L3MBTL4: variants seen among roughly 807,000 people sequenced by gnomAD.
L3MBTL4 encodes the protein L3MBTL histone methyl-lysine binding protein 4.
Under a neutral mutation model 84.5 loss-of-function variants are expected in L3MBTL4, and 70 were observed. The observed-to-expected ratio is 0.83, with a 90% confidence interval of 0.68 to 1.01. The LOEUF (loss-of-function observed/expected upper bound fraction) is 1.01. Ranked by LOEUF, L3MBTL4 falls within the 50% of genes least tolerant of loss-of-function variation. The pLI is 0.00. For missense variants in L3MBTL4, 715 were observed against 754.8 expected (o/e 0.95, Z 0.62); for synonymous variants, 274 against 259.8 (o/e 1.05, Z -0.52).
chr18:6,245,131 C>A (rs559108182), intron 5 of L3MBTL4, among the ~76,000 whole-genome samples: 2 of 152,076 alleles, frequency 1.3e-5, no homozygotes, highest in African/African-American at 4.8e-5. Flanking sequence ...GAACTCCTGA[C>A]CTTGTGATCT....
At chr18:6,013,259 G>T (rs1437160284) in intron 16 of L3MBTL4, among the ~76,000 whole-genome samples, 8 of 152,168 alleles carry the variant, frequency 5.3e-5, no homozygotes, top group African/African-American at 1.9e-4. Context: ...TTTAAAGTTA[G>T]AACATCATAG....
intron 13 of L3MBTL4, among the ~76,000 whole-genome samples, chr18:6,140,130 C>T (rs577336258): frequency 1.3e-5 from 2 of 152,256 alleles, no homozygotes; most frequent in East Asian, 1.9e-4. Context: ...ACCACAAAAT[C>T]GTATCCTCCC....
At position 6,149,325 on chromosome 18, in the gene L3MBTL4, T is replaced by G. The variant is rs540838729; in HGVS notation, c.1097-11029A>C. Among the ~76,000 whole-genome samples the G allele has an allele frequency of 9.2e-5, 14 of 151,970 alleles. No individual in the cohort carries two copies. The East Asian group carries it at 2.7e-3, about 29-fold the overall frequency. On this transcript the variant is annotated intron_variant, in intron 13 of 18. Coordinates refer to ENST00000317931, the MANE Select transcript of L3MBTL4 (RefSeq NM_001330559.2). Reference sequence around the variant, plus strand: ...TTGGTTTTTTGTCCTTGCGATAGTTTGCTGAGAATGATGGTTTCCAGTTTC... The same window carrying G: ...TTGGTTTTTTGTCCTTGCGATAGTTGGCTGAGAATGATGGTTTCCAGTTTC...
At chr18:6,022,060 A>C (rs1159387758) in intron 16 of L3MBTL4, among the ~76,000 whole-genome samples, 1 of 152,204 alleles carries the variant, frequency 6.6e-6, no homozygotes, top group Non-Finnish European at 1.5e-5. Flanking sequence ...ATTTCTAATA[A>C]ACATTTTCTC....
chr18:6,129,811 C>T (rs929188909), intron 14 of L3MBTL4, among the ~76,000 whole-genome samples: 1 of 152,098 alleles, frequency 6.6e-6, no homozygotes, highest in African/African-American at 2.4e-5. Flanking sequence ...TGTGGCCTAA[C>T]GGTAGAGTTT....
At chr18:6,289,857 T>C (rs968133997) in intron 4 of L3MBTL4, among the ~76,000 whole-genome samples, 12 of 152,230 alleles carry the variant, frequency 7.9e-5, no homozygotes, top group Admixed American at 6.5e-5. Flanking sequence ...GGACACATTT[T>C]TCCTGTATCT....
At chr18:6,108,253 C>A (rs536150406) in intron 14 of L3MBTL4, among the ~76,000 whole-genome samples, 2 of 152,292 alleles carry the variant, frequency 1.3e-5, no homozygotes, top group East Asian at 1.9e-4. Context: ...AACATCACTG[C>A]AGCCAGGGGA....
At chr18:6,261,156 G>A (rs535957681) in intron 5 of L3MBTL4, among the ~76,000 whole-genome samples, 31 of 152,204 alleles carry the variant, frequency 2.0e-4, no homozygotes, top group Middle Eastern at 6.8e-3. Context: ...TTGTTGCTGT[G>A]TTATTATGGG....
chr18:6,257,699 T>A (rs918450256), intron 5 of L3MBTL4, among the ~76,000 whole-genome samples: 1 of 149,106 alleles, frequency 6.7e-6, no homozygotes, highest in Non-Finnish European at 1.5e-5. Flanking sequence ...CAGGCTGGAG[T>A]GCAATGGCGC....
At chr18:6,163,823 G>T (rs1452772552) in intron 13 of L3MBTL4, among the ~76,000 whole-genome samples, 1 of 152,150 alleles carries the variant, frequency 6.6e-6, no homozygotes, top group Non-Finnish European at 1.5e-5. Flanking sequence ...GGGAACGCTG[G>T]ACAGTGGGTG....
intron 16 of L3MBTL4, among the ~76,000 whole-genome samples, chr18:6,065,111 T>C (rs1036187262): frequency 1.3e-5 from 2 of 152,098 alleles, no homozygotes; most frequent in African/African-American, 4.8e-5. Context: ...GATGATCATA[T>C]GGTTTTTGTT....
chr18:5,972,887 C>G lies in L3MBTL4; in HGVS notation c.1445-3325G>C, dbSNP rs78785558. Among the ~76,000 whole-genome samples, 624 of 26,682 alleles carry G rather than the reference C, an allele frequency of 0.023. 29 individuals carry two copies. In the East Asian group the frequency reaches 0.41, roughly 18 times the overall value. 17.5% of individuals were successfully genotyped at this position (26,682 alleles called of 152,430 possible). A position where few individuals can be genotyped will look rare whatever the true frequency, so the allele number is the denominator to read the frequency against. On this transcript the variant is annotated intron_variant, in intron 16 of 18. Transcript: ENST00000317931. Reference sequence around the variant, plus strand: ...TAGAATAGAATAGAATAGAATAGAACAGAAGAGAATAGAATAGAATAGAAT... The same window carrying G: ...TAGAATAGAATAGAATAGAATAGAAGAGAAGAGAATAGAATAGAATAGAAT...
intron 14 of L3MBTL4, among the ~76,000 whole-genome samples, chr18:6,128,428 G>C (rs888367448): frequency 1.3e-5 from 2 of 152,070 alleles, no homozygotes; most frequent in African/African-American, 4.8e-5. Context: ...CAAGTCACCA[G>C]GGATAAATTA....
intron 16 of L3MBTL4, among the ~76,000 whole-genome samples, chr18:5,987,675 G>T (rs1256076332): frequency 6.6e-6 from 1 of 152,022 alleles, no homozygotes; most frequent in Non-Finnish European, 1.5e-5. Context: ...TTTAGTAAAA[G>T]TTCATAAAAC....
At chr18:6,097,310 A>G (rs1402464454) in intron 14 of L3MBTL4, among the ~76,000 whole-genome samples, 1 of 152,258 alleles carries the variant, frequency 6.6e-6, no homozygotes, top group Non-Finnish European at 1.5e-5. Context: ...AGTGATTACA[A>G]TTTAAAAGAA....
chr18:6,130,540 G>A (rs1352541977), intron 14 of L3MBTL4, among the ~76,000 whole-genome samples: 1 of 152,134 alleles, frequency 6.6e-6, no homozygotes, highest in Non-Finnish European at 1.5e-5. Flanking sequence ...TCCCACACAG[G>A]AGTTCTAGGG....
chr18:6,380,302 G>A (rs1348512915), intron 1 of L3MBTL4, among the ~76,000 whole-genome samples: 1 of 151,836 alleles, frequency 6.6e-6, no homozygotes, highest in African/African-American at 2.4e-5. Context: ...AGGGTTTTTC[G>A]TGTCTCTATC....
Position 6,033,650 on chromosome 18 carries a change from C to T in L3MBTL4, c.1444+47231G>A, listed in dbSNP as rs930127892. On this transcript the variant is annotated intron_variant, in intron 16 of 18. Transcript: ENST00000317931. ...CTACTTCCTATATTACTCTCATTAA[C>T]GTTTAGTTGAGTTTTTGTAATGAAA... Among the ~76,000 whole-genome samples, 6 of 152,068 alleles carry T rather than the reference C, an allele frequency of 3.9e-5. No individual in the cohort carries two copies. The South Asian group carries it at 6.2e-4, about 16-fold the overall frequency.
At chr18:6,320,245 C>T (rs991526230) in intron 1 of L3MBTL4, among the ~76,000 whole-genome samples, 11 of 151,862 alleles carry the variant, frequency 7.2e-5, no homozygotes, top group African/African-American at 2.7e-4. Context: ...ACAAGGATGC[C>T]CACTTTCATC....
Sources: allele counts gnomAD v4.1 joint callset (sites outside exome capture counted in the v4.1 genomes callset), GRCh38; gene constraint gnomAD v4.1.1; transcripts MANE v1.5; gene names NCBI Gene and HGNC (gene_info 2026-07-23, HGNC 2026-07-21).